Variants in TAGLN3 observed in about 807,000 individuals in gnomAD.
TAGLN3 encodes transgelin-3.
TAGLN3 carries 12 observed loss-of-function variants against 25.4 expected under a neutral mutation model. That is an observed-to-expected ratio of 0.47 (90% CI 0.30 to 0.77). The LOEUF (loss-of-function observed/expected upper bound fraction) is 0.77. Among genes scored for constraint, TAGLN3 ranks in the 30% least tolerant of loss-of-function variants. TAGLN3 has a pLI of 0.06. For missense variants in TAGLN3, 218 were observed against 255.8 expected, an observed-to-expected ratio of 0.85 and a Z score of 1.01; for synonymous variants, 96 against 94.8, an observed-to-expected ratio of 1.01 and a Z score of -0.08.
At chr3:112,000,627 C>T in intron 2 of TAGLN3, 145 bp from the exon 3 acceptor site, 1 of 814,250 alleles carries the variant, frequency 1.2e-6, no homozygotes, top group Non-Finnish European at 2.0e-6. Flanking sequence ...GCTACACAGC[C>T]CAGAGCCCGT....
intron 3 of TAGLN3, among the ~76,000 whole-genome samples, chr3:112,002,186 T>G (rs924497529): frequency 1.3e-5 from 2 of 152,240 alleles, no homozygotes; most frequent in Non-Finnish European, 2.9e-5. Flanking sequence ...ATCAAAACTA[T>G]GATGATTTTT....
intron 2 of TAGLN3, among the ~76,000 whole-genome samples, chr3:112,000,254 T>TTA (rs201745377): frequency 8.6e-5 from 13 of 151,946 alleles, no homozygotes; most frequent in South Asian, 6.2e-4. Flanking sequence ...AGAGCTTGGG[T>TTA]TATATATATA....
intron 3 of TAGLN3, among the ~76,000 whole-genome samples, chr3:112,009,110 G>T (rs2072949060): frequency 6.6e-6 from 1 of 152,136 alleles, no homozygotes; most frequent in African/African-American, 2.4e-5. Context: ...ATTACCATGA[G>T]GTCAGCACCA....
Position 112,013,446 on chromosome 3 carries a change from G to A in TAGLN3, c.495G>A (p.Glu165=), listed in dbSNP as rs747950562. 6.2e-7 allele frequency: 1 copy of A among 1,613,882 alleles called. No individual in the cohort carries two copies. The highest frequency in any genetic ancestry group is 1.1e-5 in the South Asian group (1 of 91,068). The change falls in exon 5 of 5, where the codon GAG becomes GAA. Residue 165 remains glutamate, a synonymous_variant. Coordinates refer to ENST00000478951, the MANE Select transcript of TAGLN3 (RefSeq NM_001008272.2). ...AGAATCGGAGAGGCTTTTCCGAGGA[G>A]CAGCTTCGCCAGGGACAGAACGTAA... The part of the protein sequence containing the change: ...AQQNRRGFSE[E]QLRQGQNVIG...
intron 4 of TAGLN3, among the ~76,000 whole-genome samples, chr3:112,012,132 G>A (rs940085114): frequency 6.6e-6 from 1 of 152,104 alleles, no homozygotes; most frequent in African/African-American, 2.4e-5. Flanking sequence ...AGCAGGACTG[G>A]ATGGCCTTTC....
intron 1 of TAGLN3, 136 bp from the exon 2 acceptor site, chr3:111,999,285 C>A: frequency 3.0e-6 from 3 of 1,003,072 alleles, no homozygotes. Context: ...TTGATTTAAA[C>A]CACGCCCGGC....
chr3:112,006,747 C>G (rs553558503), intron 3 of TAGLN3, among the ~76,000 whole-genome samples: 40 of 152,252 alleles, frequency 2.6e-4, no homozygotes, highest in South Asian at 2.1e-4. Context: ...TGCCTTTATC[C>G]TTTTCATTTA....
At position 112,000,929 on chromosome 3, in the gene TAGLN3, CG is replaced by C. The variant is rs1559941582; in HGVS notation, c.340del (p.Val114TrpfsTer16). 6.2e-7 allele frequency: 1 copy of C among 1,614,006 alleles called. No individual in the cohort carries two copies. Among genetic ancestry groups the C allele is most frequent in the Non-Finnish European group, 8.5e-7 (1 of 1,179,986 alleles). On this transcript the variant is annotated frameshift_variant, in exon 3 of 5. Transcript: ENST00000478951. LOFTEE classifies it high-confidence loss of function. ...GTCAGAACCACCGACATCTTTCAGACGGTGGATCTATGGGAAGGTAAACAGC... is the reference window on the plus strand; with the variant it reads ...GTCAGAACCACCGACATCTTTCAGACGTGGATCTATGGGAAGGTAAACAGC... ...YGVRTTDIFQ[T>X]VDLWEGKDMA...
chr3:111,999,709 A>G (rs1489869121), intron 2 of TAGLN3, 107 bp downstream of exon 2: 4 of 1,401,864 alleles, frequency 2.9e-6, no homozygotes, highest in African/African-American at 2.9e-5. Context: ...GCCAAGCTCT[A>G]TGTCTCACCG....
At chr3:112,001,611 C>G (rs954023134) in intron 3 of TAGLN3, among the ~76,000 whole-genome samples, 1 of 152,186 alleles carries the variant, frequency 6.6e-6, no homozygotes, top group Non-Finnish European at 1.5e-5. Flanking sequence ...GTCATGGTGT[C>G]GTTAATGTCC....
intron 3 of TAGLN3, among the ~76,000 whole-genome samples, chr3:112,006,711 A>G (rs533982692): frequency 1.3e-5 from 2 of 152,292 alleles, no homozygotes; most frequent in South Asian, 4.1e-4. Flanking sequence ...ACACACCCAA[A>G]TGACTTCTCT....
At chr3:112,001,203 A>G (rs953533129) in intron 3 of TAGLN3, among the ~76,000 whole-genome samples, 3 of 152,194 alleles carry the variant, frequency 2.0e-5, no homozygotes, top group Non-Finnish European at 4.4e-5. Flanking sequence ...CTCAAGCTAG[A>G]GGAAGCTAAC....
Position 111,999,658 on chromosome 3 carries a change from G to A in TAGLN3, c.180+56G>A. On this transcript the variant is annotated intron_variant, in intron 2 of 4. Coordinates refer to ENST00000478951, the MANE Select transcript of TAGLN3 (RefSeq NM_001008272.2). Reference sequence around the variant, plus strand: ...GCGGTGGGCAGGGAAACCCTCCAGGGCCCTTTCTTTTAACGTAAGGCTGCG... The same window carrying A: ...GCGGTGGGCAGGGAAACCCTCCAGGACCCTTTCTTTTAACGTAAGGCTGCG... 5.7e-6 allele frequency: 9 copies of A among 1,584,374 alleles called. No individual in the cohort carries two copies. In the South Asian group the frequency reaches 1.0e-4, roughly 18 times the overall value.
At chr3:112,011,226 C>A (rs955375908) in intron 3 of TAGLN3, among the ~76,000 whole-genome samples, 8 of 152,204 alleles carry the variant, frequency 5.3e-5, no homozygotes, top group African/African-American at 1.9e-4. Context: ...GGTTAATGGT[C>A]ACTGGGCTGC....
At chr3:112,000,425 C>T (rs767739996) in intron 2 of TAGLN3, 3 of 186,672 alleles carry the variant, frequency 1.6e-5, no homozygotes, top group Non-Finnish European at 2.2e-5. Context: ...GTCATTCCTC[C>T]TTTGAAAGTC....
chr3:112,000,673 C>T, intron 2 of TAGLN3, 99 bp from the exon 3 acceptor site: 2 of 1,353,656 alleles, frequency 1.5e-6, no homozygotes, highest in Non-Finnish European at 2.1e-6. Context: ...CCTGCCCAAA[C>T]TGGATGAGCA....
Position 112,008,455 on chromosome 3 carries a change from C to CCGT in TAGLN3, c.356-3307_356-3305dup, listed in dbSNP as rs199983626. 3.1e-3 allele frequency among the ~76,000 whole-genome samples: 478 copies of CCGT among 152,304 alleles called. 7 individuals are homozygous for CCGT. The highest frequency in any genetic ancestry group is 8.1e-4 in the Non-Finnish European group (55 of 68,024). On this transcript the variant is annotated intron_variant, in intron 3 of 4. Transcript: ENST00000478951. The stretch of plus-strand genomic sequence containing the variant: ...TCAGCCTCCCAAAGTGTTGAAATTA[C>CCGT]CGTTGTGAGCCACTGTGCCCAGCCT...
chr3:112,002,291 G>A (rs2072869214), intron 3 of TAGLN3, among the ~76,000 whole-genome samples: 1 of 152,208 alleles, frequency 6.6e-6, no homozygotes, highest in Non-Finnish European at 1.5e-5. Flanking sequence ...ATGTCAGTCA[G>A]TTCTGCTAAC....
chr3:112,006,194 G>A (rs184898595), intron 3 of TAGLN3, among the ~76,000 whole-genome samples: 1 of 152,274 alleles, frequency 6.6e-6, no homozygotes, highest in African/African-American at 2.4e-5. Context: ...AGGTAGGCCT[G>A]TTAAAGCACA....
Sources: gnomAD v4.1 joint callset for allele counts (sites outside exome capture counted in the v4.1 genomes callset) on GRCh38, gnomAD v4.1.1 for gene constraint, MANE v1.5 for transcripts, NCBI Gene and HGNC (gene_info 2026-07-23, HGNC 2026-07-21) for gene names.